PITPNM2: variants seen among roughly 807,000 people sequenced by gnomAD.
PITPNM2 encodes the protein phosphatidylinositol transfer protein membrane associated 2.
PITPNM2 carries 35 observed loss-of-function variants against 132.2 expected under a neutral mutation model. The ratio of observed to expected loss-of-function variants is 0.26; its 90% CI spans 0.20 to 0.35. The LOEUF is 0.35. Among genes scored for constraint, PITPNM2 ranks in the 10% least tolerant of loss-of-function variants. The pLI is 1.00. For synonymous variants in PITPNM2, 738 were observed against 799.2 expected (o/e 0.92, Z 1.29); for missense variants, 1,332 against 1,912.0 (o/e 0.70, Z 5.66).
chr12:123,067,132 A>G (rs1213218683), intron 2 of PITPNM2, among the ~76,000 whole-genome samples: 1 of 152,128 alleles, frequency 6.6e-6, no homozygotes, highest in Non-Finnish European at 1.5e-5. Flanking sequence ...TCAAAACCCA[A>G]TGACTGGTGT....
intron 2 of PITPNM2, chr12:123,090,658 C>T: frequency 6.6e-6 from 1 of 152,446 alleles, no homozygotes; most frequent in Non-Finnish European, 1.5e-5. Flanking sequence ...CAGGCGTGAG[C>T]CACCACGCCC....
chr12:123,062,187 C>T (rs1484532840), intron 2 of PITPNM2, among the ~76,000 whole-genome samples: 1 of 152,178 alleles, frequency 6.6e-6, no homozygotes, highest in Non-Finnish European at 1.5e-5. Context: ...CCCTCCCAGA[C>T]AGGCAGCCAG....
rs1307381720 is a variant in PITPNM2, at chr12:123,004,530, A to C, written c.953-41T>G. Reference sequence around the variant, plus strand: ...CCAGATTGACCGCCAACTGGAGAGGAAGGGCCCAGAGGCTGCCCTGAGCCG... The same window carrying C: ...CCAGATTGACCGCCAACTGGAGAGGCAGGGCCCAGAGGCTGCCCTGAGCCG... On this transcript the variant is annotated intron_variant, in intron 7 of 25. Coordinates refer to ENST00000320201, the MANE Select transcript of PITPNM2 (RefSeq NM_020845.3). This position sits in a 1 kb window ranked among gnomAD's most constrained non-coding sequence, Gnocchi z 4.9. 1.6e-5 allele frequency: 25 copies of C among 1,602,132 alleles called. No individual in the cohort carries two copies. The highest frequency in any genetic ancestry group is 1.9e-5 in the Non-Finnish European group (22 of 1,170,674).
intron 2 of PITPNM2, chr12:123,090,802 A>AG (rs2042239835): frequency 6.6e-6 from 1 of 152,466 alleles, no homozygotes; most frequent in South Asian, 2.1e-4. Context: ...GGGAGACTGA[A>AG]GCCAGCCTGG....
intron 1 of PITPNM2, among the ~76,000 whole-genome samples, chr12:123,130,145 C>A (rs1294019839): frequency 6.6e-6 from 1 of 152,068 alleles, no homozygotes; most frequent in Admixed American, 6.6e-5. Context: ...TAATGTGTCA[C>A]ACACAGGGCA....
At chr12:123,042,118 G>T (rs767754292) in intron 2 of PITPNM2, among the ~76,000 whole-genome samples, 4 of 151,984 alleles carry the variant, frequency 2.6e-5, no homozygotes, top group Non-Finnish European at 5.9e-5. Context: ...AGCTGTGAGG[G>T]ATGTCACCCA....
chr12:123,041,535 T>C (rs2040473814), intron 2 of PITPNM2, among the ~76,000 whole-genome samples: 1 of 152,168 alleles, frequency 6.6e-6, no homozygotes, highest in Non-Finnish European at 1.5e-5. Flanking sequence ...GACTTGTGTG[T>C]CTGCCTCTCC....
intron 2 of PITPNM2, among the ~76,000 whole-genome samples, chr12:123,102,752 A>G (rs1458096012): frequency 6.6e-6 from 1 of 152,208 alleles, no homozygotes; most frequent in African/African-American, 2.4e-5. Flanking sequence ...TTCACAGAGA[A>G]GCACATGGAA....
rs931914763 is a variant in PITPNM2, at chr12:123,083,333, C to A, written c.-96+27052G>T. 1 of 152,248 alleles carries A rather than the reference C, an allele frequency of 6.6e-6. No individual in the cohort carries two copies. The highest frequency in any genetic ancestry group is 1.5e-5 in the Non-Finnish European group (1 of 68,088). The allele number at this position is 152,248 out of a possible 1,614,324, so 9.4% of individuals were successfully genotyped here. On this transcript the variant is annotated intron_variant, in intron 2 of 25. Transcript: ENST00000320201. This position sits in a 1 kb window ranked among gnomAD's most constrained non-coding sequence, Gnocchi z 4.5. The stretch of plus-strand genomic sequence containing the variant: ...GCACTGAATAGAATTTCTAAATATA[C>A]AAACGGATGAACCAATGGATGGATG...
At position 122,987,001 on chromosome 12, in the gene PITPNM2, G is replaced by A. The variant is rs547544654; in HGVS notation, c.3414-172C>T. Among the ~76,000 whole-genome samples the A allele has an allele frequency of 5.9e-5, 9 of 152,390 alleles. No homozygotes were observed. The South Asian group carries it at 1.4e-3, about 25-fold the overall frequency. On this transcript the variant is annotated intron_variant, in intron 23 of 25. Coordinates refer to ENST00000320201, the MANE Select transcript of PITPNM2 (RefSeq NM_020845.3). ...TGCTGCAGCAGGCCCTTGGGTGCCCGCACTGGGCGGCAGATGCCCCTGCTG... is the reference window on the plus strand; with the variant it reads ...TGCTGCAGCAGGCCCTTGGGTGCCCACACTGGGCGGCAGATGCCCCTGCTG...
intron 1 of PITPNM2, among the ~76,000 whole-genome samples, chr12:123,115,829 G>A (rs895945097): frequency 3.9e-5 from 6 of 152,162 alleles, no homozygotes; most frequent in South Asian, 2.1e-4. Context: ...TATGTAATAG[G>A]AGGCACCACC....
chr12:123,134,300 C>A (rs955770579), intron 1 of PITPNM2, among the ~76,000 whole-genome samples: 2 of 151,490 alleles, frequency 1.3e-5, no homozygotes, highest in Non-Finnish European at 2.9e-5. Context: ...TCTGACCTTG[C>A]GATCTGCCCA....
chr12:123,092,207 T>C (rs2042286185), intron 2 of PITPNM2: 1 of 152,222 alleles, frequency 6.6e-6, no homozygotes, highest in African/African-American at 2.4e-5. Flanking sequence ...GGATTGGCTC[T>C]GGGGTGGCCC....
chr12:123,118,327 T>C (rs917795260), intron 1 of PITPNM2, among the ~76,000 whole-genome samples: 2 of 152,166 alleles, frequency 1.3e-5, no homozygotes, highest in Non-Finnish European at 2.9e-5. Context: ...TCAAGCTCTA[T>C]CCATACTGCC....
intron 17 of PITPNM2, 65 bp downstream of exon 17, chr12:122,990,480 A>G (rs1942348035): frequency 1.6e-5 from 26 of 1,584,242 alleles, no homozygotes; most frequent in Middle Eastern, 1.7e-4. Flanking sequence ...CATGGCCAGC[A>G]GCTGTCCCCT....
rs2041863120 is a variant in PITPNM2 at position 123,078,604 on chromosome 12, C to T, written c.-96+31781G>A. Among the ~76,000 whole-genome samples, 1 of 152,230 alleles carries T rather than the reference C, an allele frequency of 6.6e-6. No individual in the cohort carries two copies. Among genetic ancestry groups the T allele is most frequent in the African/African-American group, 2.4e-5 (1 of 41,450 alleles). ...TGTTTCTAAAAATCTGTTGCCAAAT[C>T]CTGAGTCACATCTTCCCACCCTCAG... On this transcript the variant is annotated intron_variant, in intron 2 of 25. Transcript: ENST00000320201. The surrounding 1 kb of genome is among the most constrained non-coding windows in gnomAD (Gnocchi z 7.3).
At chr12:123,116,649 A>C (rs1364480320) in intron 1 of PITPNM2, among the ~76,000 whole-genome samples, 11 of 2,286 alleles carry the variant, frequency 4.8e-3, no homozygotes, top group Middle Eastern at 0.25. Flanking sequence ...CCTTGTTTCA[A>C]AAAAAAAAAA....
At chr12:123,074,437 T>TA (rs1273521027) in intron 2 of PITPNM2, among the ~76,000 whole-genome samples, 2 of 151,848 alleles carry the variant, frequency 1.3e-5, no homozygotes, top group Non-Finnish European at 2.9e-5. Flanking sequence ...CAGGCACATA[T>TA]ACATGCCACA....
At chr12:123,019,621 C>T (rs2039590041) in intron 3 of PITPNM2, among the ~76,000 whole-genome samples, 1 of 152,208 alleles carries the variant, frequency 6.6e-6, no homozygotes, top group South Asian at 2.1e-4. Flanking sequence ...CAAGCCCCAT[C>T]AGCCAAATAG....
Sources: gnomAD v4.1 joint callset for allele counts (sites outside exome capture counted in the v4.1 genomes callset) on GRCh38, gnomAD v4.1.1 for gene constraint, Gnocchi (gnomAD v3.1) non-coding constraint, MANE v1.5 for transcripts, NCBI Gene and HGNC (gene_info 2026-07-23, HGNC 2026-07-21) for gene names.